LPCAT2: variants seen among roughly 807,000 people sequenced by gnomAD.
LPCAT2 encodes 1-AGP acyltransferase 11.
Under a neutral mutation model 64.7 loss-of-function variants are expected in LPCAT2, and 58 were observed. The observed-to-expected ratio is 0.90, with a 90% CI of 0.73 to 1.12. LPCAT2 has a LOEUF of 1.12. Ranked by LOEUF, LPCAT2 falls within the 50% of genes most tolerant of loss-of-function variation. The pLI is 0.00. For missense variants in LPCAT2, 579 were observed against 669.8 expected, an observed-to-expected ratio of 0.86 and a Z score of 1.50; for synonymous variants, 252 against 245.3, an observed-to-expected ratio of 1.03 and a Z score of -0.26.
intron 1 of LPCAT2, among the ~76,000 whole-genome samples, chr16:55,510,499 A>C (rs1302780487): frequency 1.3e-5 from 2 of 152,008 alleles, no homozygotes; most frequent in East Asian, 3.9e-4. Context: ...CATCTCACAC[A>C]TTACTTTGGA....
At position 55,525,526 on chromosome 16, in the gene LPCAT2, A is replaced by C; in HGVS notation, c.190A>C (p.Ile64Leu). Residue 64 changes from isoleucine to leucine, a missense_variant, in exon 2 of 14, where the codon ATC (isoleucine) becomes CTC (leucine). Coordinates refer to ENST00000262134, the MANE Select transcript of LPCAT2 (RefSeq NM_017839.5). ...CTTTCAGATTGTCCTTCTTGGGATT[A>C]TCTTGCTTCCAATTCGTGTCTTATT... ...RRVQIVLLGIILLPIRVLLVA... is the reference protein window; with the variant it reads ...RRVQIVLLGILLLPIRVLLVA... 1 of 1,607,902 alleles carries C rather than the reference A, an allele frequency of 6.2e-7. No individual in the cohort carries two copies. Among genetic ancestry groups the C allele is most frequent in the South Asian group, 1.1e-5 (1 of 89,802 alleles).
At chr16:55,530,032 A>G in intron 4 of LPCAT2, 85 bp downstream of exon 4, 1 of 959,424 alleles carries the variant, frequency 1.0e-6, no homozygotes, top group Non-Finnish European at 1.6e-6. Context: ...ATCCACAGAT[A>G]GCAATATCTG....
chr16:55,532,041 A>C, intron 5 of LPCAT2, 67 bp downstream of exon 5: 1 of 996,376 alleles, frequency 1.0e-6, no homozygotes, highest in Non-Finnish European at 1.6e-6. Context: ...ATTTTATAGA[A>C]ATACACAAAA....
intron 1 of LPCAT2, among the ~76,000 whole-genome samples, chr16:55,516,319 G>A (rs1475288437): frequency 6.6e-6 from 1 of 152,032 alleles, no homozygotes; most frequent in Non-Finnish European, 1.5e-5. Context: ...TGCCCAGACT[G>A]GTCTCAAACT....
At chr16:55,549,504 C>A in intron 10 of LPCAT2, 102 bp downstream of exon 10, 1 of 1,117,922 alleles carries the variant, frequency 8.9e-7, no homozygotes, top group South Asian at 1.7e-5. Context: ...GCTCTAGTTC[C>A]CATTTGGTGT....
chr16:55,563,559 A>G (rs1963660216), intron 11 of LPCAT2, among the ~76,000 whole-genome samples: 1 of 151,978 alleles, frequency 6.6e-6, no homozygotes, highest in African/African-American at 2.4e-5. Flanking sequence ...ATATATGAAA[A>G]TCAATTAATG....
intron 9 of LPCAT2, among the ~76,000 whole-genome samples, chr16:55,548,100 C>A (rs1275351041): frequency 6.6e-6 from 1 of 152,098 alleles, no homozygotes; most frequent in African/African-American, 2.4e-5. Flanking sequence ...TGTATTCATT[C>A]AAAATTTAAT....
intron 9 of LPCAT2, among the ~76,000 whole-genome samples, chr16:55,548,104 A>G (rs1251017903): frequency 6.6e-6 from 1 of 152,216 alleles, no homozygotes; most frequent in Non-Finnish European, 1.5e-5. Context: ...TTCATTCAAA[A>G]TTTAATGTTT....
At chr16:55,526,769 A>G (rs1963176202) in intron 2 of LPCAT2, among the ~76,000 whole-genome samples, 1 of 152,190 alleles carries the variant, frequency 6.6e-6, no homozygotes, top group East Asian at 1.9e-4. Flanking sequence ...AGGATGATAG[A>G]AGGAATAGTC....
intron 9 of LPCAT2, 50 bp from the exon 10 acceptor site, chr16:55,549,227 C>CT (rs143728020): frequency 3.1e-5 from 42 of 1,337,764 alleles, no homozygotes; most frequent in African/African-American, 6.2e-5. Context: ...AATATGATTA[C>CT]TTTTTTTTTT....
Position 55,550,900 on chromosome 16 carries a change from G to A in LPCAT2, c.1062-49G>A, listed in dbSNP as rs764598541. On this transcript the variant is annotated intron_variant, in intron 10 of 13. Coordinates refer to ENST00000262134, the MANE Select transcript of LPCAT2 (RefSeq NM_017839.5). ...AATAATGATCATAAAATGTGCATGT[G>A]AATTGTAAAGGGCTAATAACATGTA... is the stretch of plus-strand genomic sequence containing the variant. 16 of 1,360,704 alleles carry A rather than the reference G, an allele frequency of 1.2e-5. No individual in the cohort carries two copies. The South Asian group carries it at 2.1e-4, about 18-fold the overall frequency. The allele number at this position is 1,360,704 out of a possible 1,614,324, so 84.3% of individuals were successfully genotyped here. A position where few individuals can be genotyped will look rare whatever the true frequency, so the allele number is the denominator to read the frequency against.
At chr16:55,567,039 G>A in intron 11 of LPCAT2, 1 of 1,613,872 alleles carries the variant, frequency 6.2e-7, no homozygotes, top group East Asian at 2.2e-5. Flanking sequence ...AGACATGGAG[G>A]TGGGTGCCAC....
intron 8 of LPCAT2, chr16:55,541,221 T>C (rs1199741977): frequency 6.6e-6 from 1 of 152,176 alleles, no homozygotes; most frequent in Non-Finnish European, 1.5e-5. Context: ...AGTGAGCTTA[T>C]AGTGGCTAGC....
chr16:55,519,198 G>T (rs1963056396), intron 1 of LPCAT2, among the ~76,000 whole-genome samples: 1 of 152,040 alleles, frequency 6.6e-6, no homozygotes, highest in African/African-American at 2.4e-5. Flanking sequence ...TGTCAGACCT[G>T]CATTCAAGAA....
intron 4 of LPCAT2, 61 bp from the exon 5 acceptor site, chr16:55,531,853 C>T (rs989073176): frequency 1.3e-5 from 14 of 1,068,286 alleles, no homozygotes; most frequent in South Asian, 5.3e-5. Context: ...CATAAGAAAG[C>T]GAGTAAAGAG....
chr16:55,567,496 A>T, intron 11 of LPCAT2: 5 of 1,612,394 alleles, frequency 3.1e-6, no homozygotes, highest in Non-Finnish European at 4.2e-6. Context: ...TTGACCATGT[A>T]TTCCTGAAGT....
intron 9 of LPCAT2, among the ~76,000 whole-genome samples, chr16:55,548,645 C>T (rs1489914688): frequency 1.3e-5 from 2 of 152,136 alleles, no homozygotes; most frequent in Non-Finnish European, 2.9e-5. Context: ...GTCTTAGCCT[C>T]CTGAGTAGCT....
chr16:55,532,744 A>G, intron 5 of LPCAT2, 80 bp from the exon 6 acceptor site: 4 of 893,984 alleles, frequency 4.5e-6, no homozygotes, highest in East Asian at 2.7e-5. Flanking sequence ...CAGTCTATTT[A>G]TACTATTTAT....
chr16:55,524,871 A>C (rs1265805328), intron 1 of LPCAT2, among the ~76,000 whole-genome samples: 1 of 152,068 alleles, frequency 6.6e-6, no homozygotes, highest in Non-Finnish European at 1.5e-5. Context: ...CTTGAAACTT[A>C]AGGTTGTAAG....
Sources: gnomAD v4.1 joint callset for allele counts (sites outside exome capture counted in the v4.1 genomes callset) on GRCh38, gnomAD v4.1.1 for gene constraint, MANE v1.5 for transcripts, NCBI Gene and HGNC (gene_info 2026-07-23, HGNC 2026-07-21) for gene names.